The following CPOX variants were observed in gnomAD, a reference collection of about 807,000 sequenced individuals.
CPOX encodes the protein coproporphyrinogen oxidase, also known as oxygen-dependent coproporphyrinogen-III oxidase, mitochondrial.
In CPOX, 24 loss-of-function variants were observed where a neutral mutation model predicts 48.9. The observed-to-expected ratio is 0.49, with a 90% confidence interval of 0.36 to 0.69. CPOX has a LOEUF of 0.69. Ranked by LOEUF, CPOX falls within the 30% of genes least tolerant of loss-of-function variation. The probability of loss-of-function intolerance (pLI) is 0.00; values close to 1 mark genes in which losing one functional copy is unlikely to be tolerated. For synonymous variants in CPOX, 249 were observed against 234.6 expected, an observed-to-expected ratio of 1.06 and a Z score of -0.56; for missense variants, 549 against 597.3, an observed-to-expected ratio of 0.92 and a Z score of 0.84.
At chr3:98,571,549 G>C in the CPOX span, among the ~76,000 whole-genome samples, 3 of 150,262 alleles carry the variant, frequency 2.0e-5, no homozygotes, top group African/African-American at 7.3e-5. Context: ...TTAGCCGGGC[G>C]TAGTGGCGGG....
At position 98,580,691 on chromosome 3, in the gene CPOX, C is replaced by T; in HGVS notation, c.1357G>A (p.Val453Met). The change falls in exon 7 of 7, where the codon GTG becomes ATG. Residue 453 changes from valine (V) to methionine (M), a missense_variant. Around this residue, in one of 2 missense-constraint regions of CPOX, gnomAD observed 213 missense variants for 279.1 expected, o/e 0.76. Transcript: ENST00000647941. ...CAGCCATTCTGCCTGCATCAACGCACCCAGTCCCTTGGATGGCGTAGAACT... is the reference window on the plus strand; with the variant it reads ...CAGCCATTCTGCCTGCATCAACGCATCCAGTCCCTTGGATGGCGTAGAACT... ...LEVLRHPRDW[V>M]R 6.2e-7 allele frequency: 1 copy of T among 1,614,220 alleles called. No homozygotes were observed. The highest frequency in any genetic ancestry group is 8.5e-7 in the Non-Finnish European group (1 of 1,180,030).
At chr3:98,591,567 T>C (rs1476345478) in intron 1 of CPOX, among the ~76,000 whole-genome samples, 1 of 152,224 alleles carries the variant, frequency 6.6e-6, no homozygotes. Flanking sequence ...CAAAAATTTC[T>C]TTCTCAGTGG....
At chr3:98,575,965 G>A (rs1010999627), downstream of CPOX, among the ~76,000 whole-genome samples, 3 of 151,532 alleles carry the variant, frequency 2.0e-5, no homozygotes, top group Non-Finnish European at 2.9e-5. Flanking sequence ...CCAGCTACTC[G>A]GGAGGCTGAG....
intron 6 of CPOX, among the ~76,000 whole-genome samples, 175 bp downstream of exon 6, chr3:98,581,232 C>T (rs1394800024): frequency 6.6e-6 from 1 of 152,058 alleles, no homozygotes; most frequent in East Asian, 1.9e-4. Flanking sequence ...ACCATGTCAC[C>T]GCTTAAAATA....
intron 5 of CPOX, among the ~76,000 whole-genome samples, chr3:98,583,592 T>A (rs1178234357): frequency 6.6e-6 from 1 of 152,210 alleles, no homozygotes; most frequent in African/African-American, 2.4e-5. Flanking sequence ...AATTTCTGTT[T>A]TCCTATGAAA....
Position 98,579,926 on chromosome 3 carries a change from T to G in CPOX, c.*757A>C, listed in dbSNP as rs968423675. On this transcript the variant is annotated 3_prime_UTR_variant, in exon 7 of 7. Transcript: ENST00000647941. ...AGAGATGTCTGAAATAGAAAACTCT[T>G]AAGTATCAGAATTCAGGGATATAAG... The G allele has an allele frequency of 5.1e-6, 5 of 985,772 alleles. No homozygotes were observed. Among genetic ancestry groups the G allele is most frequent in the Non-Finnish European group, 6.0e-6 (5 of 829,848 alleles). The allele number at this position is 985,772 out of a possible 1,614,324, so 61.1% of individuals were successfully genotyped here.
At chr3:98,582,007 G>A (rs767913966) in intron 5 of CPOX, among the ~76,000 whole-genome samples, 2 of 152,058 alleles carry the variant, frequency 1.3e-5, no homozygotes, top group African/African-American at 2.4e-5. Context: ...TATTAATAAT[G>A]GACTATGATA....
At chr3:98,591,979 A>ATG (rs1187645947) in intron 1 of CPOX, among the ~76,000 whole-genome samples, 7 of 97,022 alleles carry the variant, frequency 7.2e-5, no homozygotes, top group African/African-American at 2.9e-4. Flanking sequence ...ATATATATAT[A>ATG]TATATGTATA....
At position 98,593,350 on chromosome 3, in the gene CPOX, C is replaced by T. The variant is rs1021084587; in HGVS notation, c.155G>A (p.Gly52Asp). 7 of 1,341,962 alleles carry T rather than the reference C, an allele frequency of 5.2e-6. No homozygotes were observed. The African/African-American group carries it at 9.2e-5, about 18-fold the overall frequency. The allele number at this position is 1,341,962 out of a possible 1,614,324, so 83.1% of individuals were successfully genotyped here. A position where few individuals can be genotyped will look rare whatever the true frequency, so the allele number is the denominator to read the frequency against. ...GCGGCTCTGCTCCGTGCCAGCCGGG[C>T]CAGGGGGCCGGCAGACGCGTCCGGC... Reference protein sequence around the residue: ...SAAGRVCRPPGPAGTEQSRGL... With the variant: ...SAAGRVCRPPDPAGTEQSRGL... Residue 52 changes from glycine (G) to aspartate (D), a missense_variant, in exon 1 of 7, where the codon GGC (glycine) becomes GAC (aspartate). This residue lies in a region of CPOX where 336 missense variants were observed against 318.1 expected (regional missense o/e 1.06). Coordinates refer to ENST00000647941, the MANE Select transcript of CPOX (RefSeq NM_000097.7).
chr3:98,570,804 C>T, the CPOX span, among the ~76,000 whole-genome samples: 2 of 152,130 alleles, frequency 1.3e-5, no homozygotes, highest in Admixed American at 6.5e-5. Context: ...ACTTTGAAGC[C>T]ATCTGTGAAT....
In CPOX at chr3:98,580,104, T is replaced by TTAAGAA. The variant is rs3840202; in HGVS notation, c.*578_*579insTTCTTA. 0.75 allele frequency: 735,602 copies of TTAAGAA among 976,010 alleles called. 278,351 individuals are homozygous for TTAAGAA. Among genetic ancestry groups the TTAAGAA allele is most frequent in the African/African-American group, 0.9 (51,425 of 56,884 alleles). 60.5% of individuals were successfully genotyped at this position (976,010 alleles called of 1,614,324 possible). A position where few individuals can be genotyped will look rare whatever the true frequency, so the allele number is the denominator to read the frequency against. ...AACTGAATTGTAACACATGCAGAGA[T>TTAAGAA]TATTTCAAGTGCTTCTAAATACCTA... On this transcript the variant is annotated 3_prime_UTR_variant, in exon 7 of 7. Transcript: ENST00000647941.
chr3:98,571,508 G>A, the CPOX span, among the ~76,000 whole-genome samples: 1 of 151,066 alleles, frequency 6.6e-6, no homozygotes, highest in African/African-American at 2.5e-5. Flanking sequence ...CTAAAACGGT[G>A]AAACCCCGTC....
At chr3:98,588,307 G>C (rs1707406000) in intron 4 of CPOX, among the ~76,000 whole-genome samples, 1 of 151,980 alleles carries the variant, frequency 6.6e-6, no homozygotes, top group Non-Finnish European at 1.5e-5. Context: ...CAAAATCTCT[G>C]GTATGTTGGC....
intron 4 of CPOX, among the ~76,000 whole-genome samples, chr3:98,588,003 T>A (rs1707399045): frequency 6.6e-6 from 1 of 152,214 alleles, no homozygotes; most frequent in South Asian, 2.1e-4. Flanking sequence ...AAATGTTTCA[T>A]CTTTCCTGAC....
chr3:98,574,023 G>T, the CPOX span, among the ~76,000 whole-genome samples: 352 of 152,138 alleles, frequency 2.3e-3, 2 homozygotes, highest in African/African-American at 7.7e-3. Context: ...GCACTTCCTT[G>T]GGTGGCTTAC....
intron 4 of CPOX, among the ~76,000 whole-genome samples, chr3:98,587,207 C>T (rs1188849229): frequency 6.6e-6 from 1 of 152,102 alleles, no homozygotes; most frequent in Non-Finnish European, 1.5e-5. Flanking sequence ...TCACCTTAAT[C>T]GTGACTTGTT....
At chr3:98,575,095 A>C (rs1707139761), downstream of CPOX, among the ~76,000 whole-genome samples, 1 of 152,236 alleles carries the variant, frequency 6.6e-6, no homozygotes, top group East Asian at 1.9e-4. Flanking sequence ...AGCATAGATA[A>C]ATTGCTATAA....
downstream of CPOX, among the ~76,000 whole-genome samples, chr3:98,576,683 T>A (rs191093192): frequency 1.5e-4 from 23 of 152,312 alleles, no homozygotes; most frequent in East Asian, 2.7e-3. Flanking sequence ...AAATGTGAGA[T>A]TTCAAATACA....
the CPOX span, among the ~76,000 whole-genome samples, chr3:98,573,513 A>C: frequency 6.6e-6 from 1 of 151,594 alleles, no homozygotes; most frequent in African/African-American, 2.4e-5. Context: ...TCTTCCTCCC[A>C]GCACTTTTTC....
Sources: allele counts gnomAD v4.1 joint callset (sites outside exome capture counted in the v4.1 genomes callset), GRCh38; gene constraint gnomAD v4.1.1; regional missense constraint gnomAD v4.1.1; transcripts MANE v1.5; gene names NCBI Gene and HGNC (gene_info 2026-07-23, HGNC 2026-07-21).